Variants in PARG observed in about 807,000 individuals in gnomAD.
The protein encoded by PARG is poly(ADP-ribose) glycohydrolase.
A neutral mutation model predicts 113.0 loss-of-function variants in PARG; 35 were observed. That is an observed-to-expected ratio of 0.31 (90% CI 0.24 to 0.41). PARG has a LOEUF of 0.41. Ranked by LOEUF, PARG falls within the 10% of genes least tolerant of loss-of-function variation. The pLI is 1.00. For missense variants in PARG, 797 were observed against 1,169.4 expected (o/e 0.68, Z 4.64); for synonymous variants, 330 against 409.9 (o/e 0.81, Z 2.36).
chr10:49,841,870 A>C (rs1554832351), intron 15 of PARG, 80 bp downstream of exon 15: 1 of 883,944 alleles, frequency 1.1e-6, no homozygotes, highest in Non-Finnish European at 1.8e-6. Flanking sequence ...TAATTACCAG[A>C]AAGCATTAAT....
At chr10:49,937,690 G>C (rs1163052711) in intron 1 of PARG, among the ~76,000 whole-genome samples, 5 of 152,144 alleles carry the variant, frequency 3.3e-5, no homozygotes, top group Non-Finnish European at 4.4e-5. Context: ...GAAAAACCAG[G>C]AGTGTTCCAG....
intron 10 of PARG, among the ~76,000 whole-genome samples, chr10:49,868,558 AAAG>A (rs1236011138): frequency 6.6e-6 from 1 of 152,202 alleles, no homozygotes; most frequent in African/African-American, 2.4e-5. Context: ...TGCAAGAGTA[AAAG>A]AAGGATATGA....
chr10:49,903,603 T>C (rs1313200645), intron 7 of PARG, among the ~76,000 whole-genome samples: 2 of 152,054 alleles, frequency 1.3e-5, no homozygotes, highest in Admixed American at 6.5e-5. Flanking sequence ...GTACATGGAG[T>C]TGTGCACAGG....
At chr10:49,868,061 C>T (rs1307815797) in intron 10 of PARG, among the ~76,000 whole-genome samples, 9 of 152,180 alleles carry the variant, frequency 5.9e-5, no homozygotes, top group African/African-American at 2.2e-4. Context: ...AATCTCAGCT[C>T]ACTGCAACCT....
intron 7 of PARG, among the ~76,000 whole-genome samples, chr10:49,913,045 C>T (rs1837286136): frequency 1.3e-5 from 2 of 152,210 alleles, no homozygotes; most frequent in South Asian, 4.1e-4. Flanking sequence ...CAACTTAAAA[C>T]CAAAGCAAAC....
chr10:49,902,332 T>C (rs1276073594), intron 7 of PARG, among the ~76,000 whole-genome samples: 12 of 152,216 alleles, frequency 7.9e-5, no homozygotes, highest in African/African-American at 2.4e-4. Context: ...TTTGGTTTTA[T>C]AGCCCATATA....
chr10:49,898,067 A>G (rs1554843174), intron 7 of PARG, among the ~76,000 whole-genome samples: 1 of 152,216 alleles, frequency 6.6e-6, no homozygotes, highest in Non-Finnish European at 1.5e-5. Context: ...AAGGAAGGAT[A>G]TAAAAGAAAT....
chr10:49,942,002 C>A lies in PARG; in HGVS notation c.-277G>T. The A allele has an allele frequency of 2.1e-6, 2 of 950,222 alleles. No individual in the cohort carries two copies. Among genetic ancestry groups the A allele is most frequent in the East Asian group, 2.6e-5 (1 of 37,954 alleles). The allele number at this position is 950,222 out of a possible 1,614,324, so 58.9% of individuals were successfully genotyped here. The stretch of plus-strand genomic sequence containing the variant: ...CCACCACCGGAAAGCTGCCGTCAGG[C>A]GCTTCCGGCTTCCGGGGCGCACACT... On this transcript the variant is annotated 5_prime_UTR_variant, in exon 1 of 18. Coordinates refer to ENST00000616448, the MANE Select transcript of PARG (RefSeq NM_003631.5).
intron 13 of PARG, among the ~76,000 whole-genome samples, chr10:49,850,534 G>T (rs1174342978): frequency 6.6e-6 from 1 of 152,126 alleles, no homozygotes; most frequent in African/African-American, 2.4e-5. Context: ...AAGCAACCTG[G>T]TCTACTTGCC....
intron 1 of PARG, 118 bp from the exon 2 acceptor site, chr10:49,935,260 T>A (rs1410870499): frequency 1.7e-6 from 1 of 589,868 alleles, no homozygotes; most frequent in East Asian, 2.9e-5. Context: ...ATAACTCAAG[T>A]ATTTGCCCTC....
intron 9 of PARG, among the ~76,000 whole-genome samples, chr10:49,874,709 C>G (rs1320048030): frequency 6.7e-6 from 1 of 149,728 alleles, no homozygotes; most frequent in Non-Finnish European, 1.5e-5. Flanking sequence ...AAAAAATTAG[C>G]CGGGCGTGGT....
At chr10:49,911,749 G>A (rs1259370270) in intron 7 of PARG, among the ~76,000 whole-genome samples, 1 of 152,174 alleles carries the variant, frequency 6.6e-6, no homozygotes, top group Non-Finnish European at 1.5e-5. Flanking sequence ...TCTTGTGCTA[G>A]AGACCAGAAT....
At chr10:49,906,144 C>CTT (rs71471360) in intron 7 of PARG, among the ~76,000 whole-genome samples, 7 of 111,060 alleles carry the variant, frequency 6.3e-5, no homozygotes, top group Admixed American at 1.7e-4. Context: ...GATGCTGCCG[C>CTT]TTTTTTTTTT....
At position 49,933,812 on chromosome 10, in the gene PARG, T is replaced by C; in HGVS notation, c.636A>G (p.Thr212=). The C allele has an allele frequency of 1.2e-6, 2 of 1,613,208 alleles. No individual in the cohort carries two copies. The highest frequency in any genetic ancestry group is 1.7e-6 in the Non-Finnish European group (2 of 1,179,180). Residue 212 remains threonine (T), a synonymous_variant, in exon 3 of 18, where the codon ACA becomes ACG. Transcript: ENST00000616448. Reference sequence around the variant, plus strand: ...GCTTTGCATTTGCAAGCTTTACAGTTGTGAGAAACTGTTGATTGTCTCTAT... The same window carrying C: ...GCTTTGCATTTGCAAGCTTTACAGTCGTGAGAAACTGTTGATTGTCTCTAT... ...EENRDNQQFL[T]TVKLANAKQT...
At chr10:49,860,392 C>T (rs1846197204) in intron 12 of PARG, among the ~76,000 whole-genome samples, 1 of 149,096 alleles carries the variant, frequency 6.7e-6, no homozygotes, top group Non-Finnish European at 1.5e-5. Flanking sequence ...GAAAGAACTT[C>T]ATCAAGAGGG....
At chr10:49,911,137 G>A (rs1188863099) in intron 7 of PARG, among the ~76,000 whole-genome samples, 1 of 152,040 alleles carries the variant, frequency 6.6e-6, no homozygotes, top group Admixed American at 6.5e-5. Context: ...ACAAAAATTA[G>A]CCTGGCGTGG....
chr10:49,915,810 A>G (rs1837439338), intron 7 of PARG, 107 bp downstream of exon 7: 1 of 650,378 alleles, frequency 1.5e-6, no homozygotes, highest in East Asian at 2.8e-5. Flanking sequence ...CAAATTTATA[A>G]AACTAAAAGA....
chr10:49,837,353 G>GTT (rs1168244289), intron 15 of PARG, among the ~76,000 whole-genome samples: 2 of 145,246 alleles, frequency 1.4e-5, no homozygotes, highest in Admixed American at 6.9e-5. Flanking sequence ...AAAAATGTGG[G>GTT]TTTTTTTTTT....
chr10:49,886,377 C>G (rs1300819361), intron 7 of PARG, among the ~76,000 whole-genome samples: 9 of 152,164 alleles, frequency 5.9e-5, no homozygotes, highest in African/African-American at 2.2e-4. Flanking sequence ...GAAAAAGTAA[C>G]AAAGAATATT....
Sources: allele counts gnomAD v4.1 joint callset (sites outside exome capture counted in the v4.1 genomes callset), GRCh38; gene constraint gnomAD v4.1.1; transcripts MANE v1.5; gene names NCBI Gene and HGNC (gene_info 2026-07-23, HGNC 2026-07-21).